Variants in LOXL2 observed in about 807,000 individuals in gnomAD.
LOXL2 encodes lysyl oxidase homolog 2.
Under a neutral mutation model 93.0 loss-of-function variants are expected in LOXL2, and 70 were observed. That is an observed-to-expected ratio of 0.75 (90% CI 0.62 to 0.92). The LOEUF is 0.92. LOXL2 is among the 40% of genes least tolerant of loss of function. The pLI is 0.00. For missense variants in LOXL2, 973 were observed against 1,054.9 expected (o/e 0.92, Z 1.08); for synonymous variants, 438 against 413.2 (o/e 1.06, Z -0.73).
intron 4 of LOXL2, among the ~76,000 whole-genome samples, chr8:23,338,415 C>T (rs1315604605): frequency 7.6e-6 from 1 of 131,036 alleles, no homozygotes; most frequent in Non-Finnish European, 1.6e-5. Flanking sequence ...AAGGCAGCAG[C>T]GGGGTGGGGG....
chr8:23,359,999 A>T, intron 3 of LOXL2, 91 bp downstream of exon 3: 1 of 1,241,012 alleles, frequency 8.1e-7, no homozygotes, highest in Non-Finnish European at 1.2e-6. Context: ...TCCTGCTCAC[A>T]CACACTTCTT....
At chr8:23,374,048 C>T (rs768156313) in intron 1 of LOXL2, among the ~76,000 whole-genome samples, 2 of 151,954 alleles carry the variant, frequency 1.3e-5, no homozygotes, top group Admixed American at 6.6e-5. Flanking sequence ...GTGCTGCACC[C>T]GTTTACTCGT....
chr8:23,383,476 T>A (rs2117228267), intron 1 of LOXL2, among the ~76,000 whole-genome samples: 1 of 152,234 alleles, frequency 6.6e-6, no homozygotes, highest in East Asian at 1.9e-4. Flanking sequence ...ATTGGCCGAG[T>A]GAATAAATAT....
At chr8:23,360,020 C>A (rs532166394) in intron 3 of LOXL2, 70 bp downstream of exon 3, 6 of 1,415,530 alleles carry the variant, frequency 4.2e-6, no homozygotes, top group Middle Eastern at 1.8e-4. Context: ...GAAATCAATA[C>A]GCAAAAAGCG....
intron 1 of LOXL2, among the ~76,000 whole-genome samples, chr8:23,369,217 A>G (rs1359028599): frequency 6.6e-6 from 1 of 152,228 alleles, no homozygotes; most frequent in Non-Finnish European, 1.5e-5. Context: ...GAGGGCTGCA[A>G]TGCTAAATGA....
At chr8:23,344,836 C>T (rs1475352716) in intron 3 of LOXL2, among the ~76,000 whole-genome samples, 1 of 152,180 alleles carries the variant, frequency 6.6e-6, no homozygotes, top group African/African-American at 2.4e-5. Flanking sequence ...ACTGGACCGT[C>T]TTCTCTTCTT....
Position 23,309,831 on chromosome 8 carries a change from A to G in LOXL2, c.1717T>C (p.Cys573Arg), listed in dbSNP as rs988243797. The G allele has an allele frequency of 3.1e-6, 5 of 1,600,634 alleles. No homozygotes were observed. Among genetic ancestry groups the G allele is most frequent in the Non-Finnish European group, 4.3e-6 (5 of 1,173,500 alleles). The change falls in exon 10 of 14, where the codon TGT becomes CGT. Residue 573 changes from cysteine (C) to arginine (R), a missense_variant. Transcript: ENST00000389131. ...GAGAGGCAGTTCTCCTCCATGGCAC[A>G]CTGCAGCATGAACATGGGCCGGTCC... Reference protein sequence around the residue: ...LEDRPMFMLQCAMEENCLSAS... With the variant: ...LEDRPMFMLQRAMEENCLSAS...
At chr8:23,341,782 T>C (rs1430476857) in intron 3 of LOXL2, among the ~76,000 whole-genome samples, 1 of 152,178 alleles carries the variant, frequency 6.6e-6, no homozygotes, top group Non-Finnish European at 1.5e-5. Context: ...TAGAGAGGCC[T>C]GAGAGAAGAA....
At chr8:23,340,423 C>G (rs1803863495) in intron 4 of LOXL2, among the ~76,000 whole-genome samples, 2 of 152,134 alleles carry the variant, frequency 1.3e-5, no homozygotes, top group South Asian at 4.1e-4. Context: ...CAGGTTCTGT[C>G]CCTGTCTACT....
chr8:23,378,453 A>G (rs1804625909), intron 1 of LOXL2, among the ~76,000 whole-genome samples: 1 of 152,066 alleles, frequency 6.6e-6, no homozygotes, highest in African/African-American at 2.4e-5. Context: ...TCTTTGTGGC[A>G]TTCTCTGTAT....
chr8:23,321,976 C>T (rs949240781), intron 7 of LOXL2, 154 bp downstream of exon 7: 21 of 840,470 alleles, frequency 2.5e-5, no homozygotes, highest in Admixed American at 1.0e-4. Flanking sequence ...GCCCGAGGTT[C>T]GAGGGGGAAC....
chr8:23,378,505 A>G (rs1229288073), intron 1 of LOXL2, among the ~76,000 whole-genome samples: 1 of 152,166 alleles, frequency 6.6e-6, no homozygotes, highest in Non-Finnish European at 1.5e-5. Flanking sequence ...AGGTTGGGGA[A>G]GTTCTCCTGG....
chr8:23,311,909 T>A (rs1468692149), intron 9 of LOXL2, among the ~76,000 whole-genome samples: 1 of 152,178 alleles, frequency 6.6e-6, no homozygotes, highest in Non-Finnish European at 1.5e-5. Flanking sequence ...GTGTTTTAGT[T>A]TTTCTCTGAA....
At chr8:23,322,075 G>T in intron 7 of LOXL2, 55 bp downstream of exon 7, 1 of 1,588,700 alleles carries the variant, frequency 6.3e-7, no homozygotes, top group South Asian at 1.1e-5. Flanking sequence ...GAGCTCTGTG[G>T]CTATACTTTC....
chr8:23,374,763 T>C (rs1285470913), intron 1 of LOXL2, among the ~76,000 whole-genome samples: 2 of 152,260 alleles, frequency 1.3e-5, no homozygotes, highest in Non-Finnish European at 2.9e-5. Flanking sequence ...GAGAAGTGTC[T>C]GTTCATATCC....
chr8:23,335,105 A>T (rs1803768916), intron 4 of LOXL2, among the ~76,000 whole-genome samples: 1 of 152,142 alleles, frequency 6.6e-6, no homozygotes, highest in Non-Finnish European at 1.5e-5. Flanking sequence ...ATGAGCTATC[A>T]CGCCAGACCA....
At chr8:23,385,999 G>T in intron 1 of LOXL2, 1 of 765,264 alleles carries the variant, frequency 1.3e-6, no homozygotes, top group Non-Finnish European at 2.4e-6. Context: ...GCACAACACA[G>T]CTTTGGACAA....
chr8:23,397,733 G>A (rs112720405), intron 1 of LOXL2, among the ~76,000 whole-genome samples: 14,511 of 148,768 alleles, frequency 0.098, 1,392 homozygotes, highest in East Asian at 0.26. Context: ...AGCCGAGATC[G>A]CGCCACTGCA....
At chr8:23,311,241 C>T (rs1216563236) in intron 9 of LOXL2, among the ~76,000 whole-genome samples, 1 of 152,174 alleles carries the variant, frequency 6.6e-6, no homozygotes, top group African/African-American at 2.4e-5. Context: ...CCTGATGGAG[C>T]TGGCATCCTC....
Sources: gnomAD v4.1 joint callset for allele counts (sites outside exome capture counted in the v4.1 genomes callset) on GRCh38, gnomAD v4.1.1 for gene constraint, MANE v1.5 for transcripts, NCBI Gene and HGNC (gene_info 2026-07-23, HGNC 2026-07-21) for gene names.